CTNND2: variants seen among roughly 807,000 people sequenced by gnomAD.
CTNND2 encodes the protein catenin delta-2.
Under a neutral mutation model 144.4 loss-of-function variants are expected in CTNND2, and 22 were observed. That is an observed-to-expected ratio of 0.15 (90% confidence interval 0.11 to 0.22). CTNND2 has a LOEUF of 0.22. Ranked by LOEUF, CTNND2 falls within the 10% of genes least tolerant of loss-of-function variation. The pLI, the probability that CTNND2 is intolerant of heterozygous loss-of-function variation, is 1.00. For missense variants in CTNND2, 1,353 were observed against 1,618.8 expected (o/e 0.84, Z 2.82); for synonymous variants, 751 against 695.6 (o/e 1.08, Z -1.25).
chr5:11,533,952 C>T lies in CTNND2; in HGVS notation c.287+30992G>A, dbSNP rs1186211908. ...TGGAGAGCATTCTGCATTCACACTG[C>T]CTGTAAGAATGGATGCATTCACAAC... On this transcript the variant is annotated intron_variant, in intron 3 of 21. Coordinates refer to ENST00000304623, the MANE Select transcript of CTNND2 (RefSeq NM_001332.4). 2.0e-5 allele frequency among the ~76,000 whole-genome samples: 3 copies of T among 152,160 alleles called. 1 individual carries two copies. Among genetic ancestry groups the T allele is most frequent in the African/African-American group, 7.2e-5 (3 of 41,440 alleles).
intron 2 of CTNND2, among the ~76,000 whole-genome samples, chr5:11,675,863 G>C (rs944193918): frequency 1.3e-5 from 2 of 151,094 alleles, no homozygotes; most frequent in East Asian, 4.0e-4. Flanking sequence ...TTCAATCTCT[G>C]ATATCCTTTC....
chr5:11,550,376 T>C (rs952055296), intron 3 of CTNND2, among the ~76,000 whole-genome samples: 7 of 152,192 alleles, frequency 4.6e-5, no homozygotes, highest in African/African-American at 1.4e-4. Context: ...AAGACAAAAT[T>C]GAACTCTTTA....
At chr5:11,404,851 C>A (rs1163821583) in intron 5 of CTNND2, among the ~76,000 whole-genome samples, 1 of 152,068 alleles carries the variant, frequency 6.6e-6, no homozygotes, top group African/African-American at 2.4e-5. Context: ...CTCAAGTGAT[C>A]TGCCTGCCTT....
At chr5:11,052,393 A>C (rs150881633) in intron 16 of CTNND2, among the ~76,000 whole-genome samples, 3 of 152,316 alleles carry the variant, frequency 2.0e-5, no homozygotes, top group African/African-American at 7.2e-5. Flanking sequence ...CCATCACTTA[A>C]TTACCCCTGT....
intron 12 of CTNND2, among the ~76,000 whole-genome samples, chr5:11,143,400 G>GA (rs34893559): frequency 4.6e-5 from 7 of 151,878 alleles, no homozygotes; most frequent in South Asian, 2.1e-4. Flanking sequence ...CAAGGGTTGT[G>GA]AAAAAAAACT....
intron 9 of CTNND2, among the ~76,000 whole-genome samples, chr5:11,260,737 C>T (rs952786383): frequency 5.3e-5 from 8 of 151,986 alleles, no homozygotes; most frequent in Admixed American, 2.6e-4. Context: ...ATTAAGTTTC[C>T]AACACAGGAA....
intron 3 of CTNND2, among the ~76,000 whole-genome samples, chr5:11,546,750 G>A (rs1032379588): frequency 3.3e-5 from 5 of 152,120 alleles, no homozygotes; most frequent in African/African-American, 1.2e-4. Flanking sequence ...TGGACATCAA[G>A]TTCATGAATG....
rs774199129 is a variant in CTNND2 at position 11,022,795 on chromosome 5, G to A, written c.2973C>T (p.Val991=). ...TATCTCCTTTGCTTTTGGAGATGCC[G>A]ACCAACTTCTCGATGCCACCGGCAT... ...LRDAGGIEKL[V]GISKSKGDKH... The change falls in exon 17 of 22, where the codon GTC becomes GTT. Residue 991 remains valine (V), a synonymous_variant. Transcript: ENST00000304623. 17 of 1,613,948 alleles carry A rather than the reference G, an allele frequency of 1.1e-5. No homozygotes were observed. Among genetic ancestry groups the A allele is most frequent in the Middle Eastern group, 3.3e-4 (2 of 6,018 alleles).
intron 2 of CTNND2, among the ~76,000 whole-genome samples, chr5:11,634,315 C>T (rs1020062395): frequency 5.9e-5 from 9 of 152,180 alleles, no homozygotes; most frequent in African/African-American, 2.2e-4. Flanking sequence ...TCTCCCCTTC[C>T]TTGAAAGCAC....
chr5:11,397,621 C>T (rs1760266094), intron 5 of CTNND2, among the ~76,000 whole-genome samples: 1 of 152,160 alleles, frequency 6.6e-6, no homozygotes, highest in Non-Finnish European at 1.5e-5. Context: ...GATGCTAAAA[C>T]ACTCGAAACC....
chr5:11,124,678 A>G (rs1754494119), intron 12 of CTNND2, among the ~76,000 whole-genome samples: 1 of 152,180 alleles, frequency 6.6e-6, no homozygotes, highest in Admixed American at 6.6e-5. Context: ...GAAGCCATAC[A>G]GAAACGGGTC....
intron 9 of CTNND2, among the ~76,000 whole-genome samples, chr5:11,320,557 T>C (rs1751930058): frequency 6.6e-6 from 1 of 152,198 alleles, no homozygotes; most frequent in African/African-American, 2.4e-5. Flanking sequence ...TTAATTGGAC[T>C]TACAGTTCCA....
chr5:11,256,322 G>T (rs1294541388), intron 9 of CTNND2, among the ~76,000 whole-genome samples: 2 of 152,078 alleles, frequency 1.3e-5, no homozygotes, highest in Non-Finnish European at 2.9e-5. Flanking sequence ...AATACTGTCT[G>T]GTTTTTGACC....
intron 2 of CTNND2, among the ~76,000 whole-genome samples, chr5:11,599,927 A>G (rs1367272547): frequency 6.6e-6 from 1 of 152,138 alleles, no homozygotes; most frequent in African/African-American, 2.4e-5. Flanking sequence ...CTTGGGTTAC[A>G]CTCAGGAATC....
chr5:11,729,648 A>T lies in CTNND2; in HGVS notation c.174+2488T>A, dbSNP rs186718604. Among the ~76,000 whole-genome samples the T allele has an allele frequency of 8.0e-3, 1,212 of 152,324 alleles. 11 individuals are homozygous for T. Among genetic ancestry groups the T allele is most frequent in the Non-Finnish European group, 0.01 (685 of 68,026 alleles). Reference sequence around the variant, plus strand: ...TCAAATAATTTTATAATAAATTTCGACACACATAAAATCTTACCTATTTAG... The same window carrying T: ...TCAAATAATTTTATAATAAATTTCGTCACACATAAAATCTTACCTATTTAG... On this transcript the variant is annotated intron_variant, in intron 2 of 21. Coordinates refer to ENST00000304623, the MANE Select transcript of CTNND2 (RefSeq NM_001332.4).
intron 16 of CTNND2, among the ~76,000 whole-genome samples, chr5:11,069,775 G>A (rs1336476018): frequency 6.6e-6 from 1 of 152,192 alleles, no homozygotes; most frequent in Non-Finnish European, 1.5e-5. Context: ...ATAGTATACG[G>A]AGTATAGAGA....
chr5:11,515,392 T>C (rs1365368100), intron 3 of CTNND2, among the ~76,000 whole-genome samples: 16 of 152,218 alleles, frequency 1.1e-4, no homozygotes, highest in Admixed American at 1.0e-3. Context: ...GAATCTTAGA[T>C]GGAGATTCCG....
chr5:11,769,312 C>G (rs1789782540), intron 1 of CTNND2, among the ~76,000 whole-genome samples: 1 of 152,090 alleles, frequency 6.6e-6, no homozygotes, highest in Non-Finnish European at 1.5e-5. Flanking sequence ...AGGTCCCCAA[C>G]AGTATTAACA....
At chr5:11,647,980 A>G (rs1414816373) in intron 2 of CTNND2, among the ~76,000 whole-genome samples, 1 of 152,174 alleles carries the variant, frequency 6.6e-6, no homozygotes, top group Non-Finnish European at 1.5e-5. Context: ...GCTTGGCTAA[A>G]TCTTACTTAA....
Sources: gnomAD v4.1 joint callset for allele counts (sites outside exome capture counted in the v4.1 genomes callset) on GRCh38, gnomAD v4.1.1 for gene constraint, MANE v1.5 for transcripts, NCBI Gene and HGNC (gene_info 2026-07-23, HGNC 2026-07-21) for gene names.